TLN2: variants seen among roughly 807,000 people sequenced by gnomAD.
TLN2 encodes the protein talin-2.
In TLN2, 118 loss-of-function variants were observed where a neutral mutation model predicts 294.7. The observed-to-expected ratio is 0.40, with a 90% CI of 0.34 to 0.47. TLN2 has a LOEUF of 0.47. Among genes scored for constraint, TLN2 ranks in the 20% least tolerant of loss-of-function variants. The pLI, the probability that TLN2 is intolerant of heterozygous loss-of-function variation, is 0.84. For synonymous variants in TLN2, 1,431 were observed against 1,304.5 expected (o/e 1.10, Z -2.09); for missense variants, 3,083 against 3,282.2 (o/e 0.94, Z 1.48).
chr15:62,829,890 T>C lies in TLN2; in HGVS notation c.7003-3614T>C, dbSNP rs532649613. ...CCCACAAATAAGTGGGAACATACAA[T>C]GTTTGTCTTTCTGTGCCTGGCTTAT... On this transcript the variant is annotated intron_variant, in intron 54 of 58. Coordinates refer to ENST00000636159, the MANE Select transcript of TLN2 (RefSeq NM_015059.3). 2.7e-4 allele frequency: 41 copies of C among 152,272 alleles called. 1 individual carries two copies. The highest frequency in any genetic ancestry group is 9.6e-4 in the African/African-American group (40 of 41,562). The allele number at this position is 152,272 out of a possible 1,614,324, so 9.4% of individuals were successfully genotyped here.
Position 62,777,259 on chromosome 15 carries a change from G to A in TLN2, c.5514+349G>A, listed in dbSNP as rs534657525. Among the ~76,000 whole-genome samples, 11 of 152,230 alleles carry A rather than the reference G, an allele frequency of 7.2e-5. No homozygotes were observed. The East Asian group carries it at 7.7e-4, about 11-fold the overall frequency. ...AAATAAAAGTGATTCCCGCCCGGCC[G>A]GGCGCGGTGGCTCACACCTGTAATC... On this transcript the variant is annotated intron_variant, in intron 43 of 58. Transcript: ENST00000636159.
At chr15:62,812,011 CAATA>C (rs59386081) in intron 52 of TLN2, among the ~76,000 whole-genome samples, 4,272 of 130,694 alleles carry the variant, frequency 0.033, 166 homozygotes, top group African/African-American at 0.089. Context: ...GACTCCATCT[CAATA>C]AATAAATAAA....
chr15:62,443,876 G>A (rs1008437548), intron 1 of TLN2, among the ~76,000 whole-genome samples: 1 of 152,200 alleles, frequency 6.6e-6, no homozygotes, highest in African/African-American at 2.4e-5. Context: ...ATATGTGGCT[G>A]TAGTCCTAGC....
chr15:62,433,254 A>C (rs1409924504), intron 1 of TLN2, among the ~76,000 whole-genome samples: 1 of 152,120 alleles, frequency 6.6e-6, no homozygotes, highest in Non-Finnish European at 1.5e-5. Flanking sequence ...CCCAGGGGAC[A>C]ATCTGACACA....
intron 11 of TLN2, among the ~76,000 whole-genome samples, chr15:62,685,465 C>T (rs541476340): frequency 4.6e-5 from 7 of 152,268 alleles, no homozygotes; most frequent in Middle Eastern, 3.4e-3. Context: ...AATCTTTACA[C>T]ACATTTATAA....
intron 12 of TLN2, among the ~76,000 whole-genome samples, chr15:62,689,512 G>C (rs148575312): frequency 6.6e-6 from 1 of 152,116 alleles, no homozygotes; most frequent in African/African-American, 2.4e-5. Flanking sequence ...GCCTTCTTCT[G>C]TTATCATTTT....
At chr15:62,681,993 G>C (rs972312786) in intron 11 of TLN2, among the ~76,000 whole-genome samples, 5 of 152,234 alleles carry the variant, frequency 3.3e-5, no homozygotes, top group African/African-American at 1.2e-4. Flanking sequence ...GGCTTCAAGT[G>C]ATCCTCCCAC....
At chr15:62,402,537 C>T (rs867432419) in intron 1 of TLN2, among the ~76,000 whole-genome samples, 4 of 152,162 alleles carry the variant, frequency 2.6e-5, no homozygotes, top group Non-Finnish European at 5.9e-5. Context: ...TTACTGTCCT[C>T]GGAAAGAAAA....
intron 1 of TLN2, among the ~76,000 whole-genome samples, chr15:62,552,177 A>G (rs8035610): frequency 0.088 from 13,329 of 152,260 alleles, 765 homozygotes; most frequent in Non-Finnish European, 0.12. Context: ...TCCCCTAGGG[A>G]ATAAAGTAAC....
chr15:62,764,237 A>G (rs574974287), intron 40 of TLN2, among the ~76,000 whole-genome samples: 46 of 152,194 alleles, frequency 3.0e-4, no homozygotes, highest in Admixed American at 1.0e-3. Context: ...TGTTTTTCCA[A>G]AGTTTAAAAT....
intron 1 of TLN2, among the ~76,000 whole-genome samples, chr15:62,565,804 A>T (rs1406789743): frequency 2.0e-5 from 3 of 152,122 alleles, no homozygotes; most frequent in Non-Finnish European, 4.4e-5. Context: ...GCCCTCAAGA[A>T]GTTTGCAGCC....
At chr15:62,606,453 G>T (rs1415072278) in intron 2 of TLN2, among the ~76,000 whole-genome samples, 1 of 152,092 alleles carries the variant, frequency 6.6e-6, no homozygotes, top group African/African-American at 2.4e-5. Context: ...AATGCCTGTG[G>T]TTTAACAGTA....
chr15:62,838,263 G>A (rs2070037989), intron 57 of TLN2: 1 of 152,306 alleles, frequency 6.6e-6, no homozygotes, highest in Non-Finnish European at 1.5e-5. Flanking sequence ...ACCATGGACA[G>A]CCACATTGCC....
intron 52 of TLN2, among the ~76,000 whole-genome samples, chr15:62,818,807 C>T (rs1193831164): frequency 6.6e-6 from 1 of 150,836 alleles, no homozygotes; most frequent in Non-Finnish European, 1.5e-5. Flanking sequence ...TAGCTTGGGG[C>T]TTTTGCCTTT....
At chr15:62,500,715 C>A (rs2039260869) in intron 1 of TLN2, among the ~76,000 whole-genome samples, 1 of 152,244 alleles carries the variant, frequency 6.6e-6, no homozygotes, top group Non-Finnish European at 1.5e-5. Flanking sequence ...TCAATGCCCA[C>A]TTGGAGTTGG....
intron 54 of TLN2, among the ~76,000 whole-genome samples, chr15:62,820,833 A>G (rs1377151301): frequency 1.3e-5 from 2 of 152,192 alleles, no homozygotes; most frequent in Admixed American, 6.5e-5. Context: ...TCCTCTGAGT[A>G]TCCAAAGGAA....
chr15:62,663,603 T>C (rs1013124473), intron 9 of TLN2, among the ~76,000 whole-genome samples: 4 of 151,592 alleles, frequency 2.6e-5, no homozygotes, highest in African/African-American at 4.9e-5. Context: ...AATCAACATA[T>C]AATAGCAAAT....
chr15:62,736,607 G>A lies in TLN2; in HGVS notation c.3359-271G>A, dbSNP rs143611474. On this transcript the variant is annotated intron_variant, in intron 28 of 58. Coordinates refer to ENST00000636159, the MANE Select transcript of TLN2 (RefSeq NM_015059.3). The stretch of plus-strand genomic sequence containing the variant: ...CATGCACTTGGTGTTCTAGGTCTAG[G>A]GACAGTGGGGCAGTGGGAGCAAGGG... Among the ~76,000 whole-genome samples the A allele has an allele frequency of 3.7e-3, 562 of 152,286 alleles. 6 individuals are homozygous for A. The highest frequency in any genetic ancestry group is 0.013 in the African/African-American group (538 of 41,528).
chr15:62,406,457 G>A (rs2033412081), intron 1 of TLN2, among the ~76,000 whole-genome samples: 2 of 152,236 alleles, frequency 1.3e-5, no homozygotes, highest in South Asian at 4.1e-4. Flanking sequence ...CAGTGCAACA[G>A]CTCTGTGCCT....
Sources: allele counts gnomAD v4.1 joint callset (sites outside exome capture counted in the v4.1 genomes callset), GRCh38; gene constraint gnomAD v4.1.1; transcripts MANE v1.5; gene names NCBI Gene and HGNC (gene_info 2026-07-23, HGNC 2026-07-21).